The following HDAC9 variants were observed in gnomAD, a reference collection of about 807,000 sequenced individuals.
HDAC9 encodes the protein histone deacetylase 9.
In HDAC9, 41 loss-of-function variants were observed where a neutral mutation model predicts 139.4. The ratio of observed to expected loss-of-function variants is 0.29; its 90% CI spans 0.23 to 0.38. The LOEUF is 0.38. HDAC9 is among the 10% of genes least tolerant of loss of function. The pLI is 1.00. For synonymous variants in HDAC9, 517 were observed against 476.2 expected, an observed-to-expected ratio of 1.09 and a Z score of -1.12; for missense variants, 1,147 against 1,297.0, an observed-to-expected ratio of 0.88 and a Z score of 1.78.
In HDAC9 at chr7:18,591,475, A is replaced by ATGTG. The variant is rs36100341; in HGVS notation, c.416-11_416-8dup. 8,486 of 1,472,956 alleles carry ATGTG rather than the reference A, an allele frequency of 5.8e-3. 120 individuals carry two copies. The African/African-American group carries it at 0.079, about 14-fold the overall frequency. The allele number at this position is 1,472,956 out of a possible 1,614,324, so 91.2% of individuals were successfully genotyped here. The stretch of plus-strand genomic sequence containing the variant: ...CATCAACATCTGTTTCTGTGTGTGT[A>ATGTG]TGTGTGTGTGTGTGTGTGTGTGTGT... On this transcript the variant is annotated intron_variant, in intron 4 of 25. Transcript: ENST00000686413.
chr7:18,237,980 T>C (rs1029805090), intron 2 of HDAC9, among the ~76,000 whole-genome samples: 2 of 152,232 alleles, frequency 1.3e-5, no homozygotes, highest in Non-Finnish European at 2.9e-5. Context: ...TTAATACATT[T>C]GGTGCTATGA....
At chr7:18,502,944 AAGG>A (rs1438998411) in intron 2 of HDAC9, among the ~76,000 whole-genome samples, 2 of 152,178 alleles carry the variant, frequency 1.3e-5, no homozygotes, top group African/African-American at 4.8e-5. Context: ...CAATATATGA[AAGG>A]AGGATTATCT....
intron 8 of HDAC9, among the ~76,000 whole-genome samples, chr7:18,643,135 A>G (rs530898198): frequency 2.6e-5 from 4 of 152,122 alleles, no homozygotes; most frequent in Non-Finnish European, 4.4e-5. Context: ...GGTATTCTAT[A>G]CTTACAATTT....
At chr7:18,594,127 G>C in intron 6 of HDAC9, 98 bp downstream of exon 6, 3 of 1,315,626 alleles carry the variant, frequency 2.3e-6, no homozygotes, top group Non-Finnish European at 3.2e-6. Context: ...GATTTGAGTC[G>C]TAGATAATAT....
In HDAC9 at chr7:19,001,858, G is replaced by A. The variant is rs946942857; in HGVS notation, c.*5796G>A. 4 of 152,102 alleles carry A rather than the reference G, an allele frequency of 2.6e-5. No individual in the cohort carries two copies. Among genetic ancestry groups the A allele is most frequent in the Non-Finnish European group, 4.4e-5 (3 of 67,974 alleles). The allele number at this position is 152,102 out of a possible 1,614,324, so 9.4% of individuals were successfully genotyped here. On this transcript the variant is annotated 3_prime_UTR_variant, in exon 26 of 26. Coordinates refer to ENST00000686413, the MANE Select transcript of HDAC9 (RefSeq NM_178425.4). ...ATATCCTGATATTTTTAAATAAGGT[G>A]AGCAGGGCAGGCAGGAAACCAATAT... is the stretch of plus-strand genomic sequence containing the variant.
At chr7:18,364,999 T>C (rs1044538006) in intron 1 of HDAC9, among the ~76,000 whole-genome samples, 5 of 152,094 alleles carry the variant, frequency 3.3e-5, no homozygotes, top group African/African-American at 1.2e-4. Context: ...GATTGAAAAG[T>C]AATGAATACA....
At chr7:18,515,399 G>T (rs992704994) in intron 2 of HDAC9, among the ~76,000 whole-genome samples, 6 of 152,104 alleles carry the variant, frequency 3.9e-5, no homozygotes, top group African/African-American at 1.4e-4. Flanking sequence ...TAGCTACTTG[G>T]GTAGTTGGTG....
intron 22 of HDAC9, among the ~76,000 whole-genome samples, chr7:18,921,761 A>G (rs562083465): frequency 1.3e-3 from 195 of 152,266 alleles, no homozygotes; most frequent in African/African-American, 4.6e-3. Flanking sequence ...TCATGCTGCT[A>G]TAAAGACACA....
chr7:18,631,589 C>G (rs801539), intron 7 of HDAC9, among the ~76,000 whole-genome samples: 20,094 of 151,990 alleles, frequency 0.13, 1,597 homozygotes, highest in East Asian at 0.35. Context: ...TCTCTCTTCC[C>G]CATTTCATAG....
intron 21 of HDAC9, among the ~76,000 whole-genome samples, chr7:18,859,801 C>T (rs1264958687): frequency 3.8e-5 from 4 of 104,076 alleles, no homozygotes; most frequent in Admixed American, 1.1e-4. Flanking sequence ...AATATAAAGG[C>T]TAACGCTCTC....
At chr7:18,281,513 A>G (rs1394594263) in intron 2 of HDAC9, among the ~76,000 whole-genome samples, 2 of 152,218 alleles carry the variant, frequency 1.3e-5, no homozygotes, top group Non-Finnish European at 2.9e-5. Flanking sequence ...CTTTCCATGT[A>G]AAATGTATTT....
intron 11 of HDAC9, among the ~76,000 whole-genome samples, chr7:18,664,990 A>G (rs1411207041): frequency 1.3e-5 from 2 of 152,162 alleles, no homozygotes; most frequent in Non-Finnish European, 2.9e-5. Context: ...CAGTGAAATC[A>G]AAGGACTTTG....
chr7:18,844,260 G>A (rs766263104), intron 21 of HDAC9, among the ~76,000 whole-genome samples: 4 of 152,126 alleles, frequency 2.6e-5, no homozygotes, highest in South Asian at 2.1e-4. Context: ...CACTACTGTC[G>A]TAAAGCCATA....
intron 1 of HDAC9, among the ~76,000 whole-genome samples, chr7:18,387,823 T>C (rs1248864604): frequency 6.6e-5 from 10 of 152,216 alleles, no homozygotes; most frequent in Non-Finnish European, 1.3e-4. Context: ...ATAGTCTTTG[T>C]TGGGGACTGT....
At chr7:18,620,866 A>G (rs1584234259) in intron 6 of HDAC9, among the ~76,000 whole-genome samples, 1 of 151,418 alleles carries the variant, frequency 6.6e-6, no homozygotes, top group Non-Finnish European at 1.5e-5. Context: ...AGAGGTTATC[A>G]TTGTTGTTTC....
chr7:18,595,456 A>C (rs1321795875), intron 6 of HDAC9, among the ~76,000 whole-genome samples: 11 of 152,188 alleles, frequency 7.2e-5, no homozygotes, highest in African/African-American at 2.6e-4. Context: ...AAAGGACAGG[A>C]GTTTTAGAAT....
At chr7:18,258,990 A>G (rs1795466135) in intron 2 of HDAC9, among the ~76,000 whole-genome samples, 1 of 98,278 alleles carries the variant, frequency 1.0e-5, no homozygotes, top group East Asian at 3.1e-4. Flanking sequence ...TTTTTTTTTA[A>G]ACAGGGTCTC....
At chr7:18,561,106 T>C (rs1449513925) in intron 2 of HDAC9, among the ~76,000 whole-genome samples, 1 of 152,110 alleles carries the variant, frequency 6.6e-6, no homozygotes, top group Non-Finnish European at 1.5e-5. Flanking sequence ...TTTCAAGTGA[T>C]TAGAATAGAA....
At chr7:18,729,247 A>T (rs1305529461) in intron 13 of HDAC9, among the ~76,000 whole-genome samples, 1 of 152,006 alleles carries the variant, frequency 6.6e-6, no homozygotes, top group Admixed American at 6.6e-5. Context: ...CATTCTATCA[A>T]AATAACTGTT....
Sources: allele counts gnomAD v4.1 joint callset (sites outside exome capture counted in the v4.1 genomes callset), GRCh38; gene constraint gnomAD v4.1.1; transcripts MANE v1.5; gene names NCBI Gene and HGNC (gene_info 2026-07-23, HGNC 2026-07-21).